ZEB2: variants seen among roughly 807,000 people sequenced by gnomAD.
The protein encoded by ZEB2 is zinc finger E-box-binding homeobox 2.
ZEB2 carries 6 observed loss-of-function variants against 99.9 expected under a neutral mutation model. The observed-to-expected ratio is 0.06, with a 90% CI of 0.03 to 0.12. ZEB2 has a LOEUF of 0.12. ZEB2 is among the 10% of genes least tolerant of loss of function. The pLI, the probability that ZEB2 is intolerant of heterozygous loss-of-function variation, is 1.00. For synonymous variants in ZEB2, 517 were observed against 542.5 expected (o/e 0.95, Z 0.65); for missense variants, 969 against 1,502.8 (o/e 0.64, Z 5.87).
chr2:144,404,992 C>T lies in ZEB2; in HGVS notation c.436G>A (p.Glu146Lys), dbSNP rs1372526467. The T allele has an allele frequency of 1.9e-6, 3 of 1,614,018 alleles. No individual in the cohort carries two copies. Among genetic ancestry groups the T allele is most frequent in the Non-Finnish European group, 2.5e-6 (3 of 1,180,040 alleles). Residue 146 changes from glutamate to lysine, a missense_variant, in exon 5 of 10, where the codon GAA (glutamate) becomes AAA (lysine). Transcript: ENST00000627532. ...KNANCTSDFE[E>K]YFAKRKLEER... ...TCCAGTTTTCTTTTGGCAAAGTATT[C>T]CTCAAAATCTGATGTGCAATTTGCA... is the stretch of plus-strand genomic sequence containing the variant.
At chr2:144,514,395 C>G (rs1705095918) in intron 2 of ZEB2, 1 of 152,210 alleles carries the variant, frequency 6.6e-6, no homozygotes, top group Non-Finnish European at 1.5e-5. Flanking sequence ...CTTCCAGCTT[C>G]TACTTATACG....
chr2:144,452,594 G>A (rs1009312624), intron 2 of ZEB2, among the ~76,000 whole-genome samples: 1 of 152,124 alleles, frequency 6.6e-6, no homozygotes, highest in Non-Finnish European at 1.5e-5. Flanking sequence ...GCTCTGCTCC[G>A]GCGGTAATGA....
At chr2:144,440,513 ATATTTTTTTTTTTTTTT>A (rs1207494015) in intron 2 of ZEB2, among the ~76,000 whole-genome samples, 60 of 24,086 alleles carry the variant, frequency 2.5e-3, no homozygotes, top group Middle Eastern at 0.037. Context: ...ATATATATAT[ATATTTTTTTTTTTTTTT>A]TTTTTTTTTT....
chr2:144,517,099 C>A lies in ZEB2; in HGVS notation c.73+179G>T, dbSNP rs13420197. Reference sequence around the variant, plus strand: ...ACTTTGCCCGGCACTTCCCCAACACCCCCCGGTCCAGCCGCCGCGCGCGCC... The same window carrying A: ...ACTTTGCCCGGCACTTCCCCAACACACCCCGGTCCAGCCGCCGCGCGCGCC... On this transcript the variant is annotated intron_variant, in intron 2 of 9. Coordinates refer to ENST00000627532, the MANE Select transcript of ZEB2 (RefSeq NM_014795.4). 0.018 allele frequency among the ~76,000 whole-genome samples: 2,636 copies of A among 150,544 alleles called. 82 individuals are homozygous for A. The highest frequency in any genetic ancestry group is 0.061 in the African/African-American group (2,506 of 41,252).
At chr2:144,476,052 A>G (rs1433021533) in intron 2 of ZEB2, among the ~76,000 whole-genome samples, 1 of 152,084 alleles carries the variant, frequency 6.6e-6, no homozygotes, top group Non-Finnish European at 1.5e-5. Flanking sequence ...CTTGATATCT[A>G]CTTCTCGAGA....
chr2:144,429,613 C>T, intron 3 of ZEB2, 156 bp downstream of exon 3: 1 of 1,185,146 alleles, frequency 8.4e-7, no homozygotes, highest in Non-Finnish European at 1.2e-6. Flanking sequence ...ACTATCACTT[C>T]ATAATCTGTC....
At chr2:144,418,465 G>C (rs1703573078) in intron 4 of ZEB2, among the ~76,000 whole-genome samples, 1 of 151,970 alleles carries the variant, frequency 6.6e-6, no homozygotes, top group South Asian at 2.1e-4. Context: ...GAGGCGGGGG[G>C]ACACCTGAGG....
At chr2:144,509,406 T>C (rs1704997734) in intron 2 of ZEB2, among the ~76,000 whole-genome samples, 1 of 152,176 alleles carries the variant, frequency 6.6e-6, no homozygotes, top group Non-Finnish European at 1.5e-5. Context: ...ATAATCTCTT[T>C]TTGTAAATTC....
At chr2:144,404,369 T>TTGG (rs1560609423) in intron 5 of ZEB2, among the ~76,000 whole-genome samples, 7 of 62,358 alleles carry the variant, frequency 1.1e-4, no homozygotes, top group African/African-American at 2.2e-4. Context: ...TTTTTTTTTT[T>TTGG]GGGGGGGTGG....
chr2:144,498,106 T>A (rs558235011), intron 2 of ZEB2, among the ~76,000 whole-genome samples: 59 of 106,230 alleles, frequency 5.6e-4, no homozygotes, highest in Middle Eastern at 3.9e-3. Flanking sequence ...ATATTATATA[T>A]TATATAATAT....
At chr2:144,408,982 T>A (rs1384828446) in intron 4 of ZEB2, among the ~76,000 whole-genome samples, 1 of 152,124 alleles carries the variant, frequency 6.6e-6, no homozygotes, top group Non-Finnish European at 1.5e-5. Context: ...AAATGTGGAA[T>A]GAAGGAATTG....
At chr2:144,516,216 T>TCCCCCCCCCCCCCCCCCCCCCCCCCC (rs1401095568) in intron 2 of ZEB2, 1 of 103,858 alleles carries the variant, frequency 9.6e-6, no homozygotes. Flanking sequence ...CTCCGTCAGC[T>TCCCCCCCCCCCCCCCCCCCCCCCCCC]CCCCCACCCC....
intron 6 of ZEB2, among the ~76,000 whole-genome samples, chr2:144,401,725 A>T (rs897113017): frequency 7.2e-5 from 11 of 152,122 alleles, no homozygotes; most frequent in Non-Finnish European, 1.6e-4. Context: ...CTCAAGAAAA[A>T]CCACCCCCAC....
chr2:144,496,408 T>G (rs1320035446), intron 2 of ZEB2: 1 of 152,214 alleles, frequency 6.6e-6, no homozygotes, highest in Non-Finnish European at 1.5e-5. Context: ...TCAACAACCA[T>G]TTTTTATTTT....
rs1703083087 is a variant in ZEB2, at chr2:144,386,332, A to G, written c.*3119T>C. 6.6e-6 allele frequency: 1 copy of G among 152,144 alleles called. No homozygotes were observed. Among genetic ancestry groups the G allele is most frequent in the Admixed American group, 6.5e-5 (1 of 15,274 alleles). The allele number at this position is 152,144 out of a possible 1,614,324, so 9.4% of individuals were successfully genotyped here. A position where few individuals can be genotyped will look rare whatever the true frequency, so the allele number is the denominator to read the frequency against. ...AAATCAAAAGTTTTTATTTTTCCCT[A>G]GAGTTAGAGGATTATGCAGCCCTAA... On this transcript the variant is annotated 3_prime_UTR_variant, in exon 10 of 10. Coordinates refer to ENST00000627532, the MANE Select transcript of ZEB2 (RefSeq NM_014795.4).
At chr2:144,508,307 T>C (rs998988015) in intron 2 of ZEB2, among the ~76,000 whole-genome samples, 1 of 151,748 alleles carries the variant, frequency 6.6e-6, no homozygotes, top group African/African-American at 2.4e-5. Context: ...GGGTGTACCA[T>C]ATTTATAACT....
intron 2 of ZEB2, among the ~76,000 whole-genome samples, chr2:144,498,815 G>A (rs974559392): frequency 3.3e-5 from 5 of 152,140 alleles, no homozygotes; most frequent in African/African-American, 1.2e-4. Context: ...GATACTCCCA[G>A]AGATCCCTTG....
intron 3 of ZEB2, chr2:144,428,861 A>AG (rs1703728520): frequency 6.6e-6 from 1 of 152,174 alleles, no homozygotes; most frequent in South Asian, 2.1e-4. Flanking sequence ...AGAAAAAACA[A>AG]GGTGGGGTAA....
intron 2 of ZEB2, among the ~76,000 whole-genome samples, chr2:144,457,088 T>A (rs1704130823): frequency 6.6e-6 from 1 of 152,206 alleles, no homozygotes; most frequent in African/African-American, 2.4e-5. Flanking sequence ...AGACTTTCTA[T>A]AACGTCTACG....
Sources: allele counts gnomAD v4.1 joint callset (sites outside exome capture counted in the v4.1 genomes callset), GRCh38; gene constraint gnomAD v4.1.1; transcripts MANE v1.5; gene names NCBI Gene and HGNC (gene_info 2026-07-23, HGNC 2026-07-21).